The following KIF26B variants were observed in gnomAD, a reference collection of about 807,000 sequenced individuals.
KIF26B encodes the protein kinesin family member 26B.
KIF26B carries 63 observed loss-of-function variants against 151.2 expected under a neutral mutation model. The observed-to-expected ratio is 0.42, with a 90% CI of 0.34 to 0.51. The LOEUF is 0.51. KIF26B is among the 20% of genes least tolerant of loss of function. KIF26B has a pLI of 0.07. For synonymous variants in KIF26B, 1,357 were observed against 1,262.1 expected, an observed-to-expected ratio of 1.08 and a Z score of -1.59; for missense variants, 2,813 against 2,913.6, an observed-to-expected ratio of 0.97 and a Z score of 0.79.
At chr1:245,280,163 C>A (rs947057939) in intron 2 of KIF26B, among the ~76,000 whole-genome samples, 2 of 151,898 alleles carry the variant, frequency 1.3e-5, no homozygotes, top group Non-Finnish European at 2.9e-5. Flanking sequence ...CACCCAGAAC[C>A]CCCTAACAGC....
intron 4 of KIF26B, among the ~76,000 whole-genome samples, chr1:245,527,388 C>T (rs942344537): frequency 4.6e-5 from 7 of 151,940 alleles, no homozygotes; most frequent in Non-Finnish European, 8.8e-5. Context: ...TATAGGCAAC[C>T]GAAATAGCTG....
chr1:245,609,236 C>G lies in KIF26B; in HGVS notation c.1652-30C>G, dbSNP rs377738729. On this transcript the variant is annotated intron_variant, in intron 7 of 14. Transcript: ENST00000407071. ...GTGGAATGATGCCTGGACACTGAAC[C>G]TGCTTTTCTTCCTTCCCTGGTTCTC... The G allele has an allele frequency of 1.7e-5, 27 of 1,567,172 alleles. No homozygotes were observed. In the African/African-American group the frequency reaches 3.6e-4, roughly 21 times the overall value.
chr1:245,547,098 G>A (rs1026007923), intron 5 of KIF26B, among the ~76,000 whole-genome samples: 1 of 152,264 alleles, frequency 6.6e-6, no homozygotes, highest in Admixed American at 6.5e-5. Flanking sequence ...AGCTCAGGAA[G>A]CGCAGGTGGC....
intron 5 of KIF26B, among the ~76,000 whole-genome samples, chr1:245,558,030 C>T (rs763327293): frequency 2.6e-5 from 4 of 152,146 alleles, no homozygotes; most frequent in African/African-American, 7.2e-5. Context: ...CAGTATGGAA[C>T]GGATGACTGC....
chr1:245,362,000 G>A lies in KIF26B; in HGVS notation c.466-4834G>A, dbSNP rs527315847. Among the ~76,000 whole-genome samples the A allele has an allele frequency of 5.9e-5, 9 of 151,666 alleles. No homozygotes were observed. In the South Asian group the frequency reaches 1.9e-3, roughly 32 times the overall value. ...TTCCTGGCTTCCCTCTGCGGTGGTC[G>A]TATACCTTGTGTGTGGTTCTGGGAG... is the stretch of plus-strand genomic sequence containing the variant. On this transcript the variant is annotated intron_variant, in intron 2 of 14. Transcript: ENST00000407071.
chr1:245,290,983 G>A (rs566752475), intron 2 of KIF26B, among the ~76,000 whole-genome samples: 17 of 152,326 alleles, frequency 1.1e-4, no homozygotes, highest in African/African-American at 4.1e-4. Flanking sequence ...TTGAGTGCTG[G>A]GTGTTCTAAG....
chr1:245,339,842 G>A (rs1672303256), intron 2 of KIF26B, among the ~76,000 whole-genome samples: 1 of 152,178 alleles, frequency 6.6e-6, no homozygotes, highest in Admixed American at 6.5e-5. Context: ...TACTGAGTGT[G>A]GATTATGACA....
intron 11 of KIF26B, among the ~76,000 whole-genome samples, chr1:245,684,954 A>C (rs1176488228): frequency 6.6e-6 from 1 of 152,234 alleles, no homozygotes; most frequent in Non-Finnish European, 1.5e-5. Flanking sequence ...GGATGGTGGC[A>C]GGGTGGCAAG....
rs75265480 is a variant in KIF26B at position 245,215,015 on chromosome 1, G to T, written c.465+58332G>T. 3.6e-3 allele frequency among the ~76,000 whole-genome samples: 554 copies of T among 152,220 alleles called. 2 individuals are homozygous for T. Among genetic ancestry groups the T allele is most frequent in the African/African-American group, 0.013 (533 of 41,526 alleles). The stretch of plus-strand genomic sequence containing the variant: ...GGAGGTGGCATGTCAGTTGGGCCAC[G>T]GAGAACGGGTAGGATTATCTACTTT... On this transcript the variant is annotated intron_variant, in intron 2 of 14. Coordinates refer to ENST00000407071, the MANE Select transcript of KIF26B (RefSeq NM_018012.4).
rs549220846 is a variant in KIF26B at position 245,592,369 on chromosome 1, A to G, written c.1351-10208A>G. Among the ~76,000 whole-genome samples the G allele has an allele frequency of 1.3e-4, 20 of 152,352 alleles. No homozygotes were observed. The South Asian group carries it at 4.1e-3, about 32-fold the overall frequency. On this transcript the variant is annotated intron_variant, in intron 5 of 14. Coordinates refer to ENST00000407071, the MANE Select transcript of KIF26B (RefSeq NM_018012.4). ...ATGGAGGGAAGAGCAGTCCAGGGCCAGGGCCCTTCCACCTTCGCCAGGCAG... is the reference window on the plus strand; with the variant it reads ...ATGGAGGGAAGAGCAGTCCAGGGCCGGGGCCCTTCCACCTTCGCCAGGCAG...
At chr1:245,289,307 G>A (rs189153823) in intron 2 of KIF26B, among the ~76,000 whole-genome samples, 33 of 152,252 alleles carry the variant, frequency 2.2e-4, no homozygotes, top group Admixed American at 1.9e-3. Context: ...AGAAATTACC[G>A]GCATGCTATA....
At chr1:245,470,719 C>T (rs1659894114) in intron 4 of KIF26B, among the ~76,000 whole-genome samples, 1 of 152,172 alleles carries the variant, frequency 6.6e-6, no homozygotes, top group Non-Finnish European at 1.5e-5. Flanking sequence ...CGTGAGCCAC[C>T]ACGCCCGGCC....
intron 5 of KIF26B, among the ~76,000 whole-genome samples, chr1:245,588,557 C>T (rs1051913007): frequency 3.3e-5 from 5 of 152,184 alleles, no homozygotes; most frequent in African/African-American, 9.7e-5. Flanking sequence ...TGCACTCAGA[C>T]CCCCTCCAGT....
chr1:245,229,026 A>G (rs958613951), intron 2 of KIF26B, among the ~76,000 whole-genome samples: 3 of 152,016 alleles, frequency 2.0e-5, no homozygotes, highest in Admixed American at 1.3e-4. Context: ...GAGTGCAATG[A>G]TGCAATCTTG....
intron 2 of KIF26B, among the ~76,000 whole-genome samples, chr1:245,359,087 C>T (rs1282099220): frequency 2.0e-5 from 3 of 151,892 alleles, no homozygotes; most frequent in Non-Finnish European, 4.4e-5. Flanking sequence ...GGCGCAGTCT[C>T]GGCTCACTGC....
chr1:245,396,463 C>A (rs545121769), intron 3 of KIF26B, among the ~76,000 whole-genome samples: 1 of 152,192 alleles, frequency 6.6e-6, no homozygotes, highest in Non-Finnish European at 1.5e-5. Flanking sequence ...ATAAGAAATG[C>A]TGTCTCTACT....
chr1:245,359,689 C>T (rs1332627862), intron 2 of KIF26B, among the ~76,000 whole-genome samples: 5 of 149,926 alleles, frequency 3.3e-5, no homozygotes, highest in African/African-American at 1.2e-4. Flanking sequence ...ACTTCCCTCC[C>T]TCCCTTCCCT....
chr1:245,277,183 T>C (rs1172323761), intron 2 of KIF26B, among the ~76,000 whole-genome samples: 1 of 152,212 alleles, frequency 6.6e-6, no homozygotes, highest in East Asian at 1.9e-4. Flanking sequence ...TTTTGGCCTC[T>C]AGAAGTATGA....
chr1:245,464,490 G>GGT (rs537474246), intron 4 of KIF26B, among the ~76,000 whole-genome samples: 8 of 146,580 alleles, frequency 5.5e-5, no homozygotes, highest in African/African-American at 7.6e-5. Flanking sequence ...TGTGCCCGTG[G>GGT]GTGTGTGTGG....
Sources: allele counts gnomAD v4.1 joint callset (sites outside exome capture counted in the v4.1 genomes callset), GRCh38; gene constraint gnomAD v4.1.1; transcripts MANE v1.5; gene names NCBI Gene and HGNC (gene_info 2026-07-23, HGNC 2026-07-21).